Variants in CDH13 observed in about 807,000 individuals in gnomAD.
CDH13 encodes cadherin-13.
CDH13 carries 24 observed loss-of-function variants against 63.8 expected under a neutral mutation model. The observed-to-expected ratio is 0.38, with a 90% confidence interval of 0.27 to 0.53. The LOEUF (loss-of-function observed/expected upper bound fraction) is 0.53, where lower values mean the gene tolerates loss of function less well. Ranked by LOEUF, CDH13 falls within the 20% of genes least tolerant of loss-of-function variation. The pLI is 0.85. For missense variants in CDH13, 1,049 were observed against 903.1 expected, an observed-to-expected ratio of 1.16 and a Z score of -2.07; for synonymous variants, 503 against 355.3, an observed-to-expected ratio of 1.42 and a Z score of -4.67.
At chr16:82,879,227 C>G (rs1473466092) in intron 2 of CDH13, among the ~76,000 whole-genome samples, 1 of 152,030 alleles carries the variant, frequency 6.6e-6, no homozygotes, top group African/African-American at 2.4e-5. Flanking sequence ...AGCTCTAATA[C>G]TTACTAGCTC....
intron 10 of CDH13, chr16:83,721,383 A>G (rs1909672984): frequency 6.6e-6 from 1 of 152,254 alleles, no homozygotes; most frequent in South Asian, 2.1e-4. Flanking sequence ...CTTTGAAGCA[A>G]TTAAATGTCA....
At chr16:82,949,105 T>A (rs1905039875) in intron 2 of CDH13, among the ~76,000 whole-genome samples, 1 of 152,194 alleles carries the variant, frequency 6.6e-6, no homozygotes, top group African/African-American at 2.4e-5. Context: ...TTCTTAGGGC[T>A]GACATGAAAA....
At position 83,120,401 on chromosome 16, in the gene CDH13, C is replaced by T. The variant is rs142713014; in HGVS notation, c.367-4984C>T. ...TATCACCCATTTGTGGGTATGAAAACACAAGAAAGCAATTCATGACACTCT... is the reference window on the plus strand; with the variant it reads ...TATCACCCATTTGTGGGTATGAAAATACAAGAAAGCAATTCATGACACTCT... On this transcript the variant is annotated intron_variant, in intron 3 of 13. Coordinates refer to ENST00000567109, the MANE Select transcript of CDH13 (RefSeq NM_001257.5). Among the ~76,000 whole-genome samples the T allele has an allele frequency of 3.6e-3, 551 of 152,254 alleles. 5 individuals carry two copies. The highest frequency in any genetic ancestry group is 0.017 in the Middle Eastern group (5 of 294).
At chr16:83,576,699 C>A (rs554059701) in intron 7 of CDH13, among the ~76,000 whole-genome samples, 2 of 152,308 alleles carry the variant, frequency 1.3e-5, no homozygotes, top group East Asian at 1.9e-4. Flanking sequence ...TTTATGCTAG[C>A]CATTCTAGTG....
At chr16:83,607,763 A>G (rs1908479793) in intron 8 of CDH13, among the ~76,000 whole-genome samples, 1 of 152,230 alleles carries the variant, frequency 6.6e-6, no homozygotes, top group Non-Finnish European at 1.5e-5. Flanking sequence ...TATGACTTCA[A>G]CTAACTGTTA....
chr16:83,379,016 C>G (rs1407161465), intron 6 of CDH13, among the ~76,000 whole-genome samples: 1 of 151,742 alleles, frequency 6.6e-6, no homozygotes, highest in African/African-American at 2.4e-5. Flanking sequence ...TACACACACA[C>G]ACACACACAC....
rs985297387 is a variant in CDH13 at position 83,138,202 on chromosome 16, C to A, written c.483+12701C>A. 9.2e-5 allele frequency among the ~76,000 whole-genome samples: 14 copies of A among 152,044 alleles called. 1 individual carries two copies. Among genetic ancestry groups the A allele is most frequent in the Non-Finnish European group, 1.5e-5 (1 of 68,022 alleles). ...TGCCTCTTGAGCAGGCATACACTCT[C>A]CCTAGGCTGAAAATTGAGCTGCATT... On this transcript the variant is annotated intron_variant, in intron 4 of 13. Coordinates refer to ENST00000567109, the MANE Select transcript of CDH13 (RefSeq NM_001257.5).
chr16:83,643,798 C>T (rs1042066229), intron 8 of CDH13, among the ~76,000 whole-genome samples: 7 of 152,156 alleles, frequency 4.6e-5, no homozygotes, highest in African/African-American at 7.2e-5. Context: ...AGTTTACTTA[C>T]GTTAATCATA....
intron 4 of CDH13, among the ~76,000 whole-genome samples, chr16:83,170,630 A>G (rs2037876168): frequency 6.6e-6 from 1 of 152,122 alleles, no homozygotes; most frequent in Admixed American, 6.6e-5. Context: ...GGAACAAGAG[A>G]TTTTGCTTTG....
intron 2 of CDH13, among the ~76,000 whole-genome samples, chr16:83,017,705 A>G (rs554269948): frequency 1.3e-5 from 2 of 152,334 alleles, no homozygotes; most frequent in East Asian, 3.9e-4. Flanking sequence ...GCTCTGTACT[A>G]TTAGCACTAT....
At chr16:83,323,565 G>A (rs542065699) in intron 5 of CDH13, among the ~76,000 whole-genome samples, 4 of 152,214 alleles carry the variant, frequency 2.6e-5, no homozygotes, top group African/African-American at 9.6e-5. Flanking sequence ...ACAGGCATGA[G>A]CTACCGCGCC....
intron 6 of CDH13, among the ~76,000 whole-genome samples, chr16:83,365,452 C>T (rs1349197157): frequency 6.6e-6 from 1 of 152,184 alleles, no homozygotes; most frequent in East Asian, 1.9e-4. Context: ...TGCCCAAGTA[C>T]CTGGTTACCC....
At chr16:82,890,674 C>A (rs1031175082) in intron 2 of CDH13, among the ~76,000 whole-genome samples, 5 of 133,102 alleles carry the variant, frequency 3.8e-5, no homozygotes, top group Admixed American at 8.1e-5. Context: ...TTTTCCAAGA[C>A]TAACTTTTGC....
chr16:83,327,280 A>C (rs534426939), intron 5 of CDH13, among the ~76,000 whole-genome samples: 1 of 152,340 alleles, frequency 6.6e-6, no homozygotes, highest in African/African-American at 2.4e-5. Flanking sequence ...CACTTTTGAG[A>C]GTGACAATAA....
chr16:83,742,221 G>A (rs1363397730), intron 10 of CDH13, among the ~76,000 whole-genome samples: 1 of 152,174 alleles, frequency 6.6e-6, no homozygotes, highest in Non-Finnish European at 1.5e-5. Context: ...CCTGCTCTGA[G>A]GGGGCCCTGC....
At chr16:83,321,785 C>T (rs1028721377) in intron 5 of CDH13, among the ~76,000 whole-genome samples, 1 of 152,198 alleles carries the variant, frequency 6.6e-6, no homozygotes, top group Non-Finnish European at 1.5e-5. Context: ...GCCTCAGCCT[C>T]CCAAAGTGCT....
At chr16:82,872,124 A>G (rs977262712) in intron 2 of CDH13, among the ~76,000 whole-genome samples, 1 of 152,206 alleles carries the variant, frequency 6.6e-6, no homozygotes, top group Non-Finnish European at 1.5e-5. Flanking sequence ...CTCTGTTGCT[A>G]AGGTCCCATT....
intron 8 of CDH13, among the ~76,000 whole-genome samples, chr16:83,609,185 T>C (rs563419127): frequency 1.3e-5 from 2 of 152,318 alleles, no homozygotes; most frequent in East Asian, 3.9e-4. Flanking sequence ...CAGCTGAGGA[T>C]GGCTTTGAAT....
At chr16:82,844,346 G>T (rs768514813) in intron 1 of CDH13, 3 of 152,050 alleles carry the variant, frequency 2.0e-5, no homozygotes, top group Admixed American at 6.6e-5. Context: ...AGAACTATAA[G>T]GTAATAAAAC....
Sources: gnomAD v4.1 joint callset for allele counts (sites outside exome capture counted in the v4.1 genomes callset) on GRCh38, gnomAD v4.1.1 for gene constraint, MANE v1.5 for transcripts, NCBI Gene and HGNC (gene_info 2026-07-23, HGNC 2026-07-21) for gene names.